Variants in LAMC3 observed in about 807,000 individuals in gnomAD.
LAMC3 encodes the protein laminin subunit gamma 3.
A neutral mutation model predicts 173.8 loss-of-function variants in LAMC3; 128 were observed. The observed-to-expected ratio is 0.74, with a 90% CI of 0.64 to 0.85. LAMC3 has a LOEUF of 0.85. LAMC3 is among the 40% of genes least tolerant of loss of function. The pLI, the probability that LAMC3 is intolerant of heterozygous loss-of-function variation, is 0.00. For synonymous variants in LAMC3, 897 were observed against 909.1 expected, an observed-to-expected ratio of 0.99 and a Z score of 0.24; for missense variants, 2,022 against 2,156.0, an observed-to-expected ratio of 0.94 and a Z score of 1.23.
At position 131,012,860 on chromosome 9, in the gene LAMC3, T is replaced by A. The variant is rs951332958; in HGVS notation, c.373+3273T>A. On this transcript the variant is annotated intron_variant, in intron 1 of 27. Transcript: ENST00000361069. ...TGAGGGGCAGGGAAGGAGATGGAGGTCGCCGCATTCCCAGCCCCCCGTGGC... is the reference window on the plus strand; with the variant it reads ...TGAGGGGCAGGGAAGGAGATGGAGGACGCCGCATTCCCAGCCCCCCGTGGC... Among the ~76,000 whole-genome samples the A allele has an allele frequency of 5.3e-5, 8 of 152,064 alleles. No homozygotes were observed. In the South Asian group the frequency reaches 1.7e-3, roughly 32 times the overall value.
Position 131,087,748 on chromosome 9 carries a change from C to A in LAMC3, c.4408C>A (p.Gln1470Lys). The change falls in exon 27 of 28, where the codon CAG (glutamine) becomes AAG (lysine). Residue 1470 changes from glutamine (Q) to lysine (K), a missense_variant. By Grantham distance (53) the Gln-to-Lys change is moderately conservative. Coordinates refer to ENST00000361069, the MANE Select transcript of LAMC3 (RefSeq NM_006059.4). Reference sequence around the variant, plus strand: ...TGCTGGGCTGAGCGAGATGGAGCAGCAGATCCGGGAATCGCGTATCTCACT... The same window carrying A: ...TGCTGGGCTGAGCGAGATGGAGCAGAAGATCCGGGAATCGCGTATCTCACT... ...VGAGLSEMEQ[Q>K]IRESRISLEK... 1 of 1,614,174 alleles carries A rather than the reference C, an allele frequency of 6.2e-7. No individual in the cohort carries two copies. Among genetic ancestry groups the A allele is most frequent in the Non-Finnish European group, 8.5e-7 (1 of 1,180,042 alleles).
At chr9:131,035,075 T>C (rs1268294361) in intron 3 of LAMC3, among the ~76,000 whole-genome samples, 81 of 152,314 alleles carry the variant, frequency 5.3e-4, no homozygotes, top group Non-Finnish European at 4.4e-5. Context: ...TTCAGCCTCC[T>C]GAGTAGCTGG....
In LAMC3 at chr9:131,009,702, G is replaced by C; in HGVS notation, c.373+115G>C. 1.6e-6 allele frequency: 2 copies of C among 1,263,670 alleles called. No individual in the cohort carries two copies. The highest frequency in any genetic ancestry group is 3.0e-5 in the African/African-American group (2 of 66,424). The allele number at this position is 1,263,670 out of a possible 1,614,324, so 78.3% of individuals were successfully genotyped here. ...GGTTGGGCTGCAGGACCCAGATATG[G>C]TGTTGGATGGAGGGGCTCAGAAATA... is the stretch of plus-strand genomic sequence containing the variant. On this transcript the variant is annotated intron_variant, in intron 1 of 27. Coordinates refer to ENST00000361069, the MANE Select transcript of LAMC3 (RefSeq NM_006059.4). The surrounding 1 kb of genome is among the most constrained non-coding windows in gnomAD (Gnocchi z 4.3).
chr9:131,069,099 G>A (rs376728886), intron 16 of LAMC3, 49 bp downstream of exon 16: 21 of 1,603,588 alleles, frequency 1.3e-5, no homozygotes, highest in Non-Finnish European at 1.8e-5. Context: ...GGGGCCCGAG[G>A]GTCTCTGGGC....
chr9:131,036,343 G>T lies in LAMC3; in HGVS notation c.976+11G>T. 3 of 1,612,714 alleles carry T rather than the reference G, an allele frequency of 1.9e-6. No homozygotes were observed. The highest frequency in any genetic ancestry group is 1.1e-5 in the South Asian group (1 of 91,040). On this transcript the variant is annotated intron_variant, in intron 4 of 27. Transcript: ENST00000361069. ...CCCACGAGTGTCTGCGTGAGTGTCT[G>T]AGTGTCACAGGGCATCAGGGACCCG...
intron 1 of LAMC3, among the ~76,000 whole-genome samples, chr9:131,019,262 A>C (rs558152404): frequency 5.3e-5 from 8 of 152,212 alleles, no homozygotes; most frequent in African/African-American, 1.9e-4. Flanking sequence ...ACTTTGTCTC[A>C]AAACAAACAA....
intron 13 of LAMC3, among the ~76,000 whole-genome samples, chr9:131,064,745 C>T (rs1003638852): frequency 6.7e-6 from 1 of 148,548 alleles, no homozygotes; most frequent in Non-Finnish European, 1.5e-5. Flanking sequence ...ATGAAAAAAA[C>T]ATGTGAGCAG....
intron 12 of LAMC3, 99 bp downstream of exon 12, chr9:131,057,246 G>A (rs1212181227): frequency 2.9e-6 from 3 of 1,049,608 alleles, no homozygotes; most frequent in African/African-American, 1.6e-5. Context: ...CAGGCATTGA[G>A]GTGTTGGCCA....
intron 23 of LAMC3, among the ~76,000 whole-genome samples, chr9:131,081,266 G>A (rs1173519643): frequency 6.6e-6 from 1 of 152,224 alleles, no homozygotes; most frequent in Admixed American, 6.5e-5. Context: ...ATATTCCAGT[G>A]TGTGGATGAA....
Position 131,052,942 on chromosome 9 carries a change from T to G in LAMC3, c.1916T>G (p.Val639Gly). 6.2e-7 allele frequency: 1 copy of G among 1,613,388 alleles called. No individual in the cohort carries two copies. Among genetic ancestry groups the G allele is most frequent in the East Asian group, 2.2e-5 (1 of 44,874 alleles). ...AACCTGACCAGCCTCCGCCTCCGCGTCAGTCCCGGCCCCAGCCCTGCCGGT... is the reference window on the plus strand; with the variant it reads ...AACCTGACCAGCCTCCGCCTCCGCGGCAGTCCCGGCCCCAGCCCTGCCGGT... Reference protein sequence around the residue: ...LANLTSLRLRVSPGPSPAGPV... With the variant: ...LANLTSLRLRGSPGPSPAGPV... The change falls in exon 11 of 28, where the codon GTC becomes GGC. Residue 639 changes from valine to glycine, a missense_variant. Transcript: ENST00000361069.
At position 131,032,192 on chromosome 9, in the gene LAMC3, AGGCAGGGT is replaced by A. The variant is rs763738081; in HGVS notation, c.809+25_809+32del. ...GGGCGGCAGGTAGGAGGGAGGAGGG[AGGCAGGGT>A]GGCAGGGCTCCAGGACCCAAACCCG... On this transcript the variant is annotated intron_variant, in intron 3 of 27. Transcript: ENST00000361069. The A allele has an allele frequency of 9.4e-6, 13 of 1,386,760 alleles. No individual in the cohort carries two copies. The highest frequency in any genetic ancestry group is 1.3e-5 in the Non-Finnish European group (13 of 1,038,482). The allele number at this position is 1,386,760 out of a possible 1,614,324, so 85.9% of individuals were successfully genotyped here. A position where few individuals can be genotyped will look rare whatever the true frequency, so the allele number is the denominator to read the frequency against.
intron 1 of LAMC3, among the ~76,000 whole-genome samples, chr9:131,018,250 T>C (rs1833562856): frequency 6.6e-6 from 1 of 150,946 alleles, no homozygotes; most frequent in Non-Finnish European, 1.5e-5. Flanking sequence ...TTCTCATGCC[T>C]CAGCCTCCCG....
At chr9:131,036,459 T>G (rs1833947613) in intron 4 of LAMC3, 127 bp downstream of exon 4, 3 of 1,028,684 alleles carry the variant, frequency 2.9e-6, no homozygotes, top group East Asian at 2.6e-5. Flanking sequence ...TCGGGGTCTC[T>G]GTGCTGCTGC....
At chr9:131,041,879 G>T in intron 7 of LAMC3, 144 bp downstream of exon 7, 1 of 723,526 alleles carries the variant, frequency 1.4e-6, no homozygotes, top group South Asian at 1.5e-5. Context: ...GCCCTTCCTG[G>T]GGCACCATGT....
intron 1 of LAMC3, among the ~76,000 whole-genome samples, chr9:131,018,430 C>T (rs1226182647): frequency 4.6e-5 from 7 of 151,908 alleles, no homozygotes; most frequent in African/African-American, 7.3e-5. Flanking sequence ...CCACTGCGCC[C>T]GGCCCCCAAG....
chr9:131,023,801 G>A (rs1196014612), intron 1 of LAMC3, among the ~76,000 whole-genome samples: 4 of 152,024 alleles, frequency 2.6e-5, no homozygotes, highest in African/African-American at 9.7e-5. Flanking sequence ...ATGAGGTTTC[G>A]TCATGTTGCC....
chr9:131,032,897 G>A (rs955446231), intron 3 of LAMC3, among the ~76,000 whole-genome samples: 8 of 152,230 alleles, frequency 5.3e-5, no homozygotes, highest in African/African-American at 4.8e-5. Flanking sequence ...TGAACTCCCA[G>A]CCTCAGGTGA....
In LAMC3 at chr9:131,066,886, C is replaced by G; in HGVS notation, c.2348-74C>G. On this transcript the variant is annotated intron_variant, in intron 13 of 27. Transcript: ENST00000361069. ...CGGGGAAGGTGGAGGGACGCTTGCT[C>G]TGCTTCACACCCACCCTCATCCCTG... 3 of 1,583,874 alleles carry G rather than the reference C, an allele frequency of 1.9e-6. No homozygotes were observed. The South Asian group carries it at 3.4e-5, about 18-fold the overall frequency.
intron 12 of LAMC3, 115 bp from the exon 13 acceptor site, chr9:131,060,920 G>A: frequency 9.6e-7 from 1 of 1,040,578 alleles, no homozygotes; most frequent in South Asian, 1.3e-5. Flanking sequence ...CCTCTGCCTG[G>A]GAAAGGTCCC....
Sources: gnomAD v4.1 joint callset for allele counts (sites outside exome capture counted in the v4.1 genomes callset) on GRCh38, gnomAD v4.1.1 for gene constraint, Gnocchi (gnomAD v3.1) non-coding constraint, MANE v1.5 for transcripts, NCBI Gene and HGNC (gene_info 2026-07-23, HGNC 2026-07-21) for gene names.